PRKG1: variants seen among roughly 807,000 people sequenced by gnomAD.
PRKG1 encodes cGMP-dependent protein kinase 1.
Under a neutral mutation model 88.1 loss-of-function variants are expected in PRKG1, and 35 were observed. The observed-to-expected ratio is 0.40, with a 90% CI of 0.30 to 0.53. The LOEUF is 0.53. Among genes scored for constraint, PRKG1 ranks in the 20% least tolerant of loss-of-function variants. The pLI, the probability that PRKG1 is intolerant of heterozygous loss-of-function variation, is 0.59. For missense variants in PRKG1, 540 were observed against 839.8 expected, an observed-to-expected ratio of 0.64 and a Z score of 4.41; for synonymous variants, 303 against 292.5, an observed-to-expected ratio of 1.04 and a Z score of -0.37.
intron 3 of PRKG1, among the ~76,000 whole-genome samples, chr10:51,527,922 C>T (rs973837092): frequency 6.6e-6 from 1 of 152,156 alleles, no homozygotes; most frequent in African/African-American, 2.4e-5. Context: ...ATGAATTTAG[C>T]TCCTTCTCGG....
At position 52,168,349 on chromosome 10, in the gene PRKG1, GA is replaced by G. The variant is rs1220738177; in HGVS notation, c.1076+6389del. Among the ~76,000 whole-genome samples the G allele has an allele frequency of 2.0e-5, 3 of 152,144 alleles. No individual in the cohort carries two copies. In the East Asian group the frequency reaches 5.8e-4, roughly 29 times the overall value. Reference sequence around the variant, plus strand: ...AGCATTCTAGCTGGCGGAACAAATGGAAAGCATTCTACATAGAGGAACAGCA... The same window carrying G: ...AGCATTCTAGCTGGCGGAACAAATGGAAGCATTCTACATAGAGGAACAGCA... On this transcript the variant is annotated intron_variant, in intron 9 of 17. Transcript: ENST00000373980.
intron 2 of PRKG1, among the ~76,000 whole-genome samples, chr10:51,400,783 G>A (rs1437473972): frequency 2.6e-5 from 4 of 152,116 alleles, no homozygotes; most frequent in African/African-American, 4.8e-5. Context: ...TTTCAACAGC[G>A]TGTATTAGGA....
intron 7 of PRKG1, among the ~76,000 whole-genome samples, chr10:52,102,604 A>AC (rs1318738690): frequency 6.8e-6 from 1 of 148,072 alleles, no homozygotes; most frequent in African/African-American, 2.5e-5. Flanking sequence ...AAAAAGAAAA[A>AC]AAAATTGGTG....
chr10:51,943,012 G>T (rs181145482), intron 5 of PRKG1, among the ~76,000 whole-genome samples: 1 of 151,914 alleles, frequency 6.6e-6, no homozygotes, highest in African/African-American at 2.4e-5. Context: ...AGCTTGATGG[G>T]GATGGCATTG....
At chr10:52,022,109 C>G (rs1017241768) in intron 5 of PRKG1, among the ~76,000 whole-genome samples, 3 of 152,150 alleles carry the variant, frequency 2.0e-5, no homozygotes, top group Non-Finnish European at 4.4e-5. Flanking sequence ...AGTGCAGCTC[C>G]AAGTCAGCCA....
chr10:51,268,525 G>T (rs1328623130), intron 2 of PRKG1, among the ~76,000 whole-genome samples: 1 of 151,798 alleles, frequency 6.6e-6, no homozygotes, highest in Non-Finnish European at 1.5e-5. Flanking sequence ...TCTCCCATTT[G>T]CTTTTGAAAG....
At chr10:51,808,251 A>T (rs1338617351) in intron 4 of PRKG1, among the ~76,000 whole-genome samples, 1 of 151,976 alleles carries the variant, frequency 6.6e-6, no homozygotes, top group African/African-American at 2.4e-5. Flanking sequence ...TTTCTTTATG[A>T]CTTACAAAAA....
intron 2 of PRKG1, among the ~76,000 whole-genome samples, chr10:51,405,804 C>T (rs7906663): frequency 0.011 from 1,622 of 152,140 alleles, 23 homozygotes; most frequent in African/African-American, 0.037. Context: ...GTGGAAACCA[C>T]GTGGGGTTCA....
At chr10:51,324,436 T>G (rs779139052) in intron 2 of PRKG1, among the ~76,000 whole-genome samples, 19 of 152,126 alleles carry the variant, frequency 1.2e-4, no homozygotes, top group Admixed American at 5.9e-4. Context: ...GATTTTATCC[T>G]TTGTTATAGC....
chr10:52,077,837 CACTG>C (rs1256305313), intron 7 of PRKG1, among the ~76,000 whole-genome samples: 2 of 152,124 alleles, frequency 1.3e-5, no homozygotes, highest in Non-Finnish European at 2.9e-5. Flanking sequence ...GCAATAAACT[CACTG>C]ACAGTAGTAA....
intron 3 of PRKG1, among the ~76,000 whole-genome samples, chr10:51,533,617 TAA>T (rs34738901): frequency 0.091 from 12,933 of 142,782 alleles, 613 homozygotes; most frequent in Middle Eastern, 0.16. Flanking sequence ...CTAAAAGCTT[TAA>T]AAAAAAAAAA....
intron 3 of PRKG1, among the ~76,000 whole-genome samples, chr10:51,617,514 C>T (rs1449583999): frequency 1.3e-5 from 2 of 152,102 alleles, no homozygotes; most frequent in African/African-American, 4.8e-5. Flanking sequence ...CCACAGCCAT[C>T]GCCAACACCA....
intron 5 of PRKG1, among the ~76,000 whole-genome samples, chr10:51,967,611 T>C (rs1843604628): frequency 6.6e-6 from 1 of 152,188 alleles, no homozygotes; most frequent in Non-Finnish European, 1.5e-5. Context: ...GTATCTTCAA[T>C]GGCCTCAGCC....
At chr10:52,133,483 G>A (rs547256530) in intron 7 of PRKG1, among the ~76,000 whole-genome samples, 13 of 152,194 alleles carry the variant, frequency 8.5e-5, no homozygotes, top group African/African-American at 2.6e-4. Context: ...TAGAAGTATA[G>A]CTTCAAATTC....
At chr10:51,097,856 T>A (rs770208232) in intron 1 of PRKG1, among the ~76,000 whole-genome samples, 8 of 152,142 alleles carry the variant, frequency 5.3e-5, no homozygotes, top group Non-Finnish European at 7.4e-5. Context: ...CAACTTTCAA[T>A]GCTTTAACTC....
At chr10:51,355,862 C>T (rs922426903) in intron 2 of PRKG1, among the ~76,000 whole-genome samples, 9 of 151,948 alleles carry the variant, frequency 5.9e-5, no homozygotes, top group African/African-American at 2.2e-4. Context: ...TGGATGCCAC[C>T]ATCGCATTTA....
intron 3 of PRKG1, among the ~76,000 whole-genome samples, chr10:51,748,880 A>C (rs1328254099): frequency 6.6e-6 from 1 of 152,230 alleles, no homozygotes; most frequent in Non-Finnish European, 1.5e-5. Context: ...CTCTTTGTGA[A>C]CATTCTCGTA....
chr10:51,156,297 G>GCGCACACACACACACACACACA (rs1554841311), intron 2 of PRKG1, among the ~76,000 whole-genome samples: 29 of 35,138 alleles, frequency 8.3e-4, no homozygotes, highest in African/African-American at 5.5e-3. Context: ...TTTGATGCAA[G>GCGCACACACACACACACACACA]CACACACACA....
intron 3 of PRKG1, among the ~76,000 whole-genome samples, chr10:51,705,732 G>A (rs574205462): frequency 1.1e-4 from 17 of 152,192 alleles, no homozygotes; most frequent in Non-Finnish European, 2.2e-4. Context: ...TATAGGTAAA[G>A]AACAGAGGCA....
Sources: gnomAD v4.1 joint callset for allele counts (sites outside exome capture counted in the v4.1 genomes callset) on GRCh38, gnomAD v4.1.1 for gene constraint, MANE v1.5 for transcripts, NCBI Gene and HGNC (gene_info 2026-07-23, HGNC 2026-07-21) for gene names.